The following DENND2A variants were observed in gnomAD, a reference collection of about 807,000 sequenced individuals.
The protein encoded by DENND2A is DENN domain-containing protein 2A.
DENND2A carries 53 observed loss-of-function variants against 105.3 expected under a neutral mutation model. That is an observed-to-expected ratio of 0.50 (90% CI 0.40 to 0.63). DENND2A has a LOEUF of 0.63. Ranked by LOEUF, DENND2A falls within the 30% of genes least tolerant of loss-of-function variation. DENND2A has a pLI of 0.00. For synonymous variants in DENND2A, 522 were observed against 508.4 expected, an observed-to-expected ratio of 1.03 and a Z score of -0.36; for missense variants, 1,138 against 1,279.6, an observed-to-expected ratio of 0.89 and a Z score of 1.69.
upstream of DENND2A, chr7:140,640,906 C>G: frequency 6.6e-6 from 1 of 151,836 alleles, no homozygotes; most frequent in Non-Finnish European, 1.5e-5. This position sits in a 1 kb window ranked among gnomAD's most constrained non-coding sequence, Gnocchi z 4.9. Flanking sequence ...ACGGCAACCC[C>G]TCTCCCAGGG....
chr7:140,548,819 G>C (rs1264109276), intron 12 of DENND2A, among the ~76,000 whole-genome samples: 1 of 151,380 alleles, frequency 6.6e-6, no homozygotes, highest in Non-Finnish European at 1.5e-5. Flanking sequence ...CTCCATGTTG[G>C]TTAGGCTGGT....
At chr7:140,636,684 CTTTTTTTTTTTTTT>C (rs35563637) in intron 1 of DENND2A, among the ~76,000 whole-genome samples, 14 of 98,384 alleles carry the variant, frequency 1.4e-4, no homozygotes, top group Non-Finnish European at 1.7e-4. Flanking sequence ...CCTCCCCAGC[CTTTTTTTTTTTTTT>C]TTTTTTTTTG....
At chr7:140,547,472 T>C (rs1355908666) in intron 12 of DENND2A, among the ~76,000 whole-genome samples, 1 of 151,990 alleles carries the variant, frequency 6.6e-6, no homozygotes, top group Non-Finnish European at 1.5e-5. Context: ...AATAAAAAGA[T>C]GGATAAGAAC....
chr7:140,640,100 C>CACACACTCACACACACTCGCACAG lies in DENND2A; in HGVS notation c.-248+380_-248+403dup, dbSNP rs1404373808. The CACACACTCACACACACTCGCACAG allele has an allele frequency of 2.6e-5, 4 of 152,698 alleles. No individual in the cohort carries two copies. The highest frequency in any genetic ancestry group is 5.8e-5 in the Non-Finnish European group (4 of 68,430). 9.5% of individuals were successfully genotyped at this position (152,698 alleles called of 1,614,324 possible). On this transcript the variant is annotated intron_variant, in intron 1 of 19. Transcript: ENST00000496613. This position sits in a 1 kb window ranked among gnomAD's most constrained non-coding sequence, Gnocchi z 4.9. ...GATGCCCCGCGCTTGCACGCGCACG[C>CACACACTCACACACACTCGCACAG]ACACACTCACACACACTCGCACAGA...
At position 140,546,925 on chromosome 7, in the gene DENND2A, C is replaced by T. The variant is rs1796933331; in HGVS notation, c.2052G>A (p.Val684=). Residue 684 remains valine, a synonymous_variant, in exon 13 of 20, where the codon GTG becomes GTA. Transcript: ENST00000496613. ...FSLFSRILDE[V]EKRRGISPAL... is the part of the protein sequence containing the mutation. ...CAGGAGAGATGCCTCGTCTTTTTTC[C>T]ACCTCATCCAAGATCTGCAAGGGTC... 6.2e-7 allele frequency: 1 copy of T among 1,613,436 alleles called. No individual in the cohort carries two copies. The highest frequency in any genetic ancestry group is 8.5e-7 in the Non-Finnish European group (1 of 1,179,594).
At chr7:140,580,926 T>G (rs1035750553) in intron 5 of DENND2A, among the ~76,000 whole-genome samples, 2 of 150,246 alleles carry the variant, frequency 1.3e-5, no homozygotes, top group African/African-American at 4.9e-5. Flanking sequence ...TGTGAGCCAC[T>G]GTGCCCGGCC....
intron 5 of DENND2A, among the ~76,000 whole-genome samples, chr7:140,578,886 A>C (rs1268799344): frequency 6.6e-6 from 1 of 152,216 alleles, no homozygotes; most frequent in Non-Finnish European, 1.5e-5. Context: ...AAAATAAAAT[A>C]AAAATAGAAA....
rs1289154574 is a variant in DENND2A, at chr7:140,623,183, C to T, written c.-248+17321G>A. On this transcript the variant is annotated intron_variant, in intron 1 of 19. Transcript: ENST00000496613. Reference sequence around the variant, plus strand: ...AACCAAAATTAGCCAGGTGTGGTGGCGGGTGCCTACAATCCCAGCTACTTG... The same window carrying T: ...AACCAAAATTAGCCAGGTGTGGTGGTGGGTGCCTACAATCCCAGCTACTTG... 1.5e-4 allele frequency among the ~76,000 whole-genome samples: 23 copies of T among 150,932 alleles called. 1 individual carries two copies. Among genetic ancestry groups the T allele is most frequent in the South Asian group, 4.2e-4 (2 of 4,754 alleles).
intron 2 of DENND2A, 41 bp from the exon 3 acceptor site, chr7:140,602,583 G>A: frequency 2.0e-6 from 1 of 502,210 alleles, no homozygotes; most frequent in Admixed American, 3.7e-5. Context: ...GATTCTTATT[G>A]TTCTTGGCTG....
intron 1 of DENND2A, among the ~76,000 whole-genome samples, chr7:140,611,250 G>T (rs765918369): frequency 1.5e-4 from 23 of 152,076 alleles, no homozygotes; most frequent in Non-Finnish European, 2.5e-4. Flanking sequence ...ATATAAAATG[G>T]GCTGGGTACA....
intron 9 of DENND2A, among the ~76,000 whole-genome samples, chr7:140,565,330 T>C (rs1797795937): frequency 6.6e-6 from 1 of 151,362 alleles, no homozygotes; most frequent in South Asian, 2.1e-4. Context: ...TGCATGCTTT[T>C]CTGGGGGTGG....
chr7:140,570,540 C>A (rs934818187), intron 6 of DENND2A, among the ~76,000 whole-genome samples: 1 of 152,350 alleles, frequency 6.6e-6, no homozygotes, highest in Admixed American at 6.5e-5. Context: ...CGAGCCCTAG[C>A]TTGGGACTAC....
chr7:140,568,625 C>G, intron 8 of DENND2A, 138 bp downstream of exon 8: 1 of 808,738 alleles, frequency 1.2e-6, no homozygotes, highest in East Asian at 2.5e-5. Flanking sequence ...CCTGTGGCCC[C>G]ACTGTCTCCC....
chr7:140,582,850 A>G (rs183102214), intron 5 of DENND2A, among the ~76,000 whole-genome samples: 5 of 152,320 alleles, frequency 3.3e-5, no homozygotes, highest in Admixed American at 1.3e-4. Flanking sequence ...AATTTCTTCC[A>G]CTAAATATTG....
chr7:140,551,495 C>T (rs1025479261), intron 12 of DENND2A, among the ~76,000 whole-genome samples: 1 of 152,028 alleles, frequency 6.6e-6, no homozygotes, highest in Admixed American at 6.6e-5. Context: ...ATCTCACTGT[C>T]TAGGAGCATG....
chr7:140,548,084 A>ATATTTTT (rs796415513), intron 12 of DENND2A, among the ~76,000 whole-genome samples: 151 of 152,176 alleles, frequency 9.9e-4, no homozygotes, highest in Middle Eastern at 6.8e-3. Flanking sequence ...TGAACTGTAT[A>ATATTTTT]TATTTTTTAT....
chr7:140,544,440 C>T, intron 14 of DENND2A, 178 bp downstream of exon 14: 1 of 751,666 alleles, frequency 1.3e-6, no homozygotes, highest in Admixed American at 2.1e-5. Flanking sequence ...AGTGATCCAC[C>T]CACCTCAGCC....
At chr7:140,584,849 TA>T (rs906496791) in intron 5 of DENND2A, among the ~76,000 whole-genome samples, 2 of 152,194 alleles carry the variant, frequency 1.3e-5, no homozygotes, top group East Asian at 1.9e-4. Context: ...TTATTTCATT[TA>T]AAAAAACCCA....
intron 11 of DENND2A, among the ~76,000 whole-genome samples, chr7:140,557,499 T>C (rs138835234): frequency 0.024 from 2,715 of 112,286 alleles, 142 homozygotes; most frequent in African/African-American, 0.073. Flanking sequence ...TTTTAATGTT[T>C]TATTTTTTAG....
Sources: gnomAD v4.1 joint callset for allele counts (sites outside exome capture counted in the v4.1 genomes callset) on GRCh38, gnomAD v4.1.1 for gene constraint, Gnocchi (gnomAD v3.1) non-coding constraint, MANE v1.5 for transcripts, NCBI Gene and HGNC (gene_info 2026-07-23, HGNC 2026-07-21) for gene names.